The following AKAP13 variants were observed in gnomAD, a reference collection of about 807,000 sequenced individuals.
AKAP13 encodes A-kinase anchoring protein 13.
A neutral mutation model predicts 264.5 loss-of-function variants in AKAP13; 80 were observed. That is an observed-to-expected ratio of 0.30 (90% confidence interval 0.25 to 0.36). The LOEUF is 0.36. Ranked by LOEUF, AKAP13 falls within the 10% of genes least tolerant of loss-of-function variation. The pLI is 1.00. For missense variants in AKAP13, 3,712 were observed against 3,435.2 expected, an observed-to-expected ratio of 1.08 and a Z score of -2.01; for synonymous variants, 1,380 against 1,250.2, an observed-to-expected ratio of 1.10 and a Z score of -2.19.
At chr15:85,646,383 C>T (rs753430964) in intron 10 of AKAP13, among the ~76,000 whole-genome samples, 4 of 152,036 alleles carry the variant, frequency 2.6e-5, no homozygotes, top group Non-Finnish European at 4.4e-5. Context: ...GTCAAGTTCG[C>T]GCCACTAAAC....
intron 1 of AKAP13, among the ~76,000 whole-genome samples, chr15:85,418,788 G>T (rs1410184217): frequency 6.6e-6 from 1 of 152,126 alleles, no homozygotes; most frequent in African/African-American, 2.4e-5. Context: ...GCAAATAATT[G>T]CATTTAGTCT....
chr15:85,674,485 A>G (rs1305119105), intron 14 of AKAP13, among the ~76,000 whole-genome samples: 1 of 152,216 alleles, frequency 6.6e-6, no homozygotes, highest in African/African-American at 2.4e-5. Context: ...TTCAGAAGGA[A>G]TACTCTGTGT....
intron 5 of AKAP13, among the ~76,000 whole-genome samples, chr15:85,551,206 T>C (rs1241872235): frequency 1.3e-5 from 2 of 152,232 alleles, no homozygotes; most frequent in African/African-American, 2.4e-5. Context: ...ACTTTAAGCA[T>C]TTTGACATTT....
rs2087079043 is a variant in AKAP13, at chr15:85,718,352, TCAGTTCTA to T, written c.6001+195_6001+202del. ...TCCTTTTTGCCCCACTCTTCTGTTT[TCAGTTCTA>T]CTGAACATTGTACTTATATGTGAGT... On this transcript the variant is annotated intron_variant, in intron 22 of 36. Coordinates refer to ENST00000394518, the MANE Select transcript of AKAP13 (RefSeq NM_007200.5). This position sits in a 1 kb window ranked among gnomAD's most constrained non-coding sequence, Gnocchi z 4.9. Among the ~76,000 whole-genome samples, 1 of 152,350 alleles carries T rather than the reference TCAGTTCTA, an allele frequency of 6.6e-6. No homozygotes were observed. The highest frequency in any genetic ancestry group is 2.4e-5 in the African/African-American group (1 of 41,588).
At chr15:85,399,920 A>G (rs1318049139) in intron 1 of AKAP13, among the ~76,000 whole-genome samples, 1 of 152,172 alleles carries the variant, frequency 6.6e-6, no homozygotes, top group Non-Finnish European at 1.5e-5. Flanking sequence ...TTGCTTATCT[A>G]AATGCATGTT....
At chr15:85,608,862 C>T (rs1010632848) in intron 8 of AKAP13, among the ~76,000 whole-genome samples, 9 of 152,190 alleles carry the variant, frequency 5.9e-5, no homozygotes, top group Admixed American at 5.9e-4. Context: ...AAGCTAAAGA[C>T]TTTTGTACTG....
chr15:85,403,532 G>T (rs548357576), intron 1 of AKAP13, among the ~76,000 whole-genome samples: 1 of 152,200 alleles, frequency 6.6e-6, no homozygotes, highest in South Asian at 2.1e-4. Flanking sequence ...GTCGCTTTTG[G>T]CTAGAAGCAT....
chr15:85,512,896 G>T (rs573379923), intron 2 of AKAP13, among the ~76,000 whole-genome samples: 1 of 151,940 alleles, frequency 6.6e-6, no homozygotes, highest in Non-Finnish European at 1.5e-5. Flanking sequence ...TCGCTCTGTA[G>T]CCCAGGCTGG....
intron 4 of AKAP13, among the ~76,000 whole-genome samples, chr15:85,543,078 T>C (rs1397238987): frequency 1.3e-5 from 2 of 152,240 alleles, no homozygotes; most frequent in African/African-American, 4.8e-5. Flanking sequence ...GGAGCCTTTA[T>C]TTCAAGTTAA....
At position 85,579,423 on chromosome 15, in the gene AKAP13, T is replaced by C. The variant is rs2061821; in HGVS notation, c.1355T>C (p.Met452Thr). The C allele has an allele frequency of 0.63, 1,018,483 of 1,613,822 alleles. 322,938 individuals carry two copies. Among genetic ancestry groups the C allele is most frequent in the Middle Eastern group, 0.69 (4,183 of 6,060 alleles). ...GCTGTGCTTCAGAGAGACTTGGTCA[T>C]GGAGCCAGGCACAGCCCAGTATTCC... ...GDAVLQRDLVMEPGTAQYSSG... is the reference protein window; with the variant it reads ...GDAVLQRDLVTEPGTAQYSSG... Residue 452 changes from methionine to threonine, a missense_variant, in exon 7 of 37, where the codon ATG becomes ACG. By Grantham distance (81) the Met-to-Thr change is moderately conservative. Coordinates refer to ENST00000394518, the MANE Select transcript of AKAP13 (RefSeq NM_007200.5).
At chr15:85,442,476 T>G (rs192800921) in intron 1 of AKAP13, among the ~76,000 whole-genome samples, 1 of 119,418 alleles carries the variant, frequency 8.4e-6, no homozygotes, top group African/African-American at 3.2e-5. Context: ...TAATATATAT[T>G]ATATAATATA....
intron 17 of AKAP13, among the ~76,000 whole-genome samples, chr15:85,704,362 G>C (rs1462986891): frequency 1.3e-5 from 2 of 152,088 alleles, no homozygotes; most frequent in Non-Finnish European, 2.9e-5. Context: ...TCTTAAGTTA[G>C]CCTCGCTAAT....
intron 16 of AKAP13, among the ~76,000 whole-genome samples, chr15:85,686,079 C>CT (rs1271977786): frequency 6.6e-6 from 1 of 152,036 alleles, no homozygotes; most frequent in Non-Finnish European, 1.5e-5. Flanking sequence ...ACAACACCCT[C>CT]TAACAAAATA....
chr15:85,555,464 G>A (rs1440860394), intron 5 of AKAP13: 53 of 1,288,668 alleles, frequency 4.1e-5, no homozygotes, highest in Non-Finnish European at 5.3e-5. Context: ...ATGGGCTTGC[G>A]ATATTCGGGG....
Position 85,708,138 on chromosome 15 carries a change from A to G in AKAP13, c.5532+52A>G. On this transcript the variant is annotated intron_variant, in intron 18 of 36. Transcript: ENST00000394518. This position sits in a 1 kb window ranked among gnomAD's most constrained non-coding sequence, Gnocchi z 4.3. ...TTAAAATAAAAGGGTTTAAACCAGCAAAATCCTCGGGAGTTGGGAGAGTTG... is the reference window on the plus strand; with the variant it reads ...TTAAAATAAAAGGGTTTAAACCAGCGAAATCCTCGGGAGTTGGGAGAGTTG... 3 of 1,564,682 alleles carry G rather than the reference A, an allele frequency of 1.9e-6. No homozygotes were observed. Among genetic ancestry groups the G allele is most frequent in the Non-Finnish European group, 1.8e-6 (2 of 1,142,116 alleles).
At chr15:85,467,640 A>C (rs541741034) in intron 1 of AKAP13, among the ~76,000 whole-genome samples, 108 of 152,070 alleles carry the variant, frequency 7.1e-4, no homozygotes, top group African/African-American at 2.6e-3. Context: ...CCTTGTTTTC[A>C]TATCTGTTTC....
At chr15:85,636,910 C>T (rs1220309426) in intron 8 of AKAP13, among the ~76,000 whole-genome samples, 2 of 152,186 alleles carry the variant, frequency 1.3e-5, no homozygotes, top group Non-Finnish European at 2.9e-5. Context: ...CCGCCGCTCC[C>T]GGCCCCAAAT....
At chr15:85,676,982 A>G in intron 14 of AKAP13, 1 of 985,498 alleles carries the variant, frequency 1.0e-6, no homozygotes, top group South Asian at 4.7e-5. Flanking sequence ...TCAGCTCAGC[A>G]GCAGATGCGG....
chr15:85,527,104 A>C (rs2077082804), intron 3 of AKAP13, among the ~76,000 whole-genome samples: 1 of 151,752 alleles, frequency 6.6e-6, no homozygotes, highest in Admixed American at 6.6e-5. Flanking sequence ...CTGGGACTAC[A>C]GGCGCCCGCC....
Sources: gnomAD v4.1 joint callset for allele counts (sites outside exome capture counted in the v4.1 genomes callset) on GRCh38, gnomAD v4.1.1 for gene constraint, Gnocchi (gnomAD v3.1) non-coding constraint, MANE v1.5 for transcripts, NCBI Gene and HGNC (gene_info 2026-07-23, HGNC 2026-07-21) for gene names.